Variants in AGFG1 observed in about 807,000 individuals in gnomAD.
AGFG1 encodes the protein ArfGAP with FG repeats 1.
In AGFG1, 10 loss-of-function variants were observed where a neutral mutation model predicts 60.6. The ratio of observed to expected loss-of-function variants is 0.16; its 90% CI spans 0.10 to 0.28. AGFG1 has a LOEUF of 0.28. Among genes scored for constraint, AGFG1 ranks in the 10% least tolerant of loss-of-function variants. AGFG1 has a pLI of 1.00. For missense variants in AGFG1, 537 were observed against 676.5 expected, an observed-to-expected ratio of 0.79 and a Z score of 2.29; for synonymous variants, 247 against 242.9, an observed-to-expected ratio of 1.02 and a Z score of -0.16.
chr2:227,526,589 C>T (rs1216682609), intron 5 of AGFG1, among the ~76,000 whole-genome samples: 1 of 141,266 alleles, frequency 7.1e-6, no homozygotes, highest in Non-Finnish European at 1.5e-5. Context: ...CTTGTTCACA[C>T]TGGTGTGCAG....
At chr2:227,492,399 C>A (rs6436698) in intron 2 of AGFG1, among the ~76,000 whole-genome samples, 128,446 of 152,016 alleles carry the variant, frequency 0.84, 54,380 homozygotes, top group African/African-American at 0.91. Context: ...GAAAAGTCTC[C>A]TTTTCTAGAA....
intron 11 of AGFG1, 116 bp from the exon 12 acceptor site, chr2:227,553,588 A>T: frequency 1.2e-6 from 1 of 816,834 alleles, no homozygotes; most frequent in Non-Finnish European, 2.0e-6. Flanking sequence ...CTTAACTTTA[A>T]CATTTTATTT....
chr2:227,512,930 A>C (rs1182677050), intron 2 of AGFG1, among the ~76,000 whole-genome samples: 2 of 152,230 alleles, frequency 1.3e-5, no homozygotes, highest in African/African-American at 4.8e-5. Context: ...TAGTGAAAAA[A>C]GATTCTCTAA....
intron 5 of AGFG1, among the ~76,000 whole-genome samples, chr2:227,525,473 T>TGTAC (rs1691966156): frequency 1.3e-5 from 2 of 152,210 alleles, no homozygotes; most frequent in Admixed American, 1.3e-4. Context: ...TACGTACATA[T>TGTAC]GTACATACAT....
At chr2:227,537,937 G>A (rs2106226425) in intron 10 of AGFG1, among the ~76,000 whole-genome samples, 1 of 152,242 alleles carries the variant, frequency 6.6e-6, no homozygotes, top group East Asian at 1.9e-4. Flanking sequence ...AGTTTGAGCT[G>A]TAACTATTTT....
chr2:227,526,184 A>G (rs187531012), intron 5 of AGFG1, among the ~76,000 whole-genome samples: 98 of 152,216 alleles, frequency 6.4e-4, no homozygotes, highest in Non-Finnish European at 1.1e-3. Context: ...GTTGGTTCCT[A>G]TAGATACAAC....
At chr2:227,550,144 A>G (rs759536752) in intron 10 of AGFG1, 6 of 413,064 alleles carry the variant, frequency 1.5e-5, no homozygotes, top group African/African-American at 6.4e-5. Context: ...TTGTGTGGCA[A>G]TTTGTCTACC....
At chr2:227,553,238 C>T (rs1354376325) in intron 11 of AGFG1, among the ~76,000 whole-genome samples, 1 of 152,110 alleles carries the variant, frequency 6.6e-6, no homozygotes, top group East Asian at 1.9e-4. Flanking sequence ...TGGCTCACGC[C>T]TATAATCCCA....
chr2:227,495,779 T>A (rs953383255), intron 2 of AGFG1, among the ~76,000 whole-genome samples: 2 of 151,994 alleles, frequency 1.3e-5, no homozygotes, highest in Non-Finnish European at 1.5e-5. Context: ...TAAGTTAACC[T>A]TCCTAATATG....
chr2:227,516,173 C>T (rs553532087), intron 2 of AGFG1, among the ~76,000 whole-genome samples: 2 of 152,172 alleles, frequency 1.3e-5, no homozygotes, highest in Non-Finnish European at 2.9e-5. Context: ...CATTGGTTTT[C>T]AAACTTTAGC....
At chr2:227,481,958 C>T (rs1010822818) in intron 1 of AGFG1, among the ~76,000 whole-genome samples, 3 of 151,278 alleles carry the variant, frequency 2.0e-5, no homozygotes, top group Non-Finnish European at 2.9e-5. Flanking sequence ...CTCTGCCTCC[C>T]GGGTTCACGC....
intron 1 of AGFG1, among the ~76,000 whole-genome samples, chr2:227,490,899 A>T (rs7568602): frequency 1 from 152,194 of 152,358 alleles, 76,017 homozygotes; most frequent in Middle Eastern, 1. Context: ...AAAAATTGTT[A>T]AATCATGCAT....
rs1692834624 is a variant in AGFG1, at chr2:227,551,971, G to T, written c.1391G>T (p.Gly464Val). The T allele has an allele frequency of 6.2e-7, 1 of 1,613,940 alleles. No homozygotes were observed. The highest frequency in any genetic ancestry group is 8.5e-7 in the Non-Finnish European group (1 of 1,179,954). Residue 464 changes from glycine (G) to valine (V), a missense_variant, in exon 11 of 13, where the codon GGC becomes GTC. Gly to Val is a moderately radical substitution (Grantham distance 109). Coordinates refer to ENST00000310078, the MANE Select transcript of AGFG1 (RefSeq NM_004504.5). Reference protein sequence around the residue: ...NARGATAATFGTASMSMPTGF... With the variant: ...NARGATAATFVTASMSMPTGF... ...TCTCTTCTGTCAGCGGCAACCTTTG[G>T]CACTGCATCCATGAGCATGCCCACA...
chr2:227,492,486 T>C (rs1320393413), intron 2 of AGFG1, among the ~76,000 whole-genome samples: 2 of 152,046 alleles, frequency 1.3e-5, no homozygotes, highest in East Asian at 1.9e-4. Context: ...AAGTTAAATA[T>C]TAAAATTTTA....
Position 227,557,205 on chromosome 2 carries a change from C to A in AGFG1, c.*2710C>A, listed in dbSNP as rs1172732286. 6.6e-6 allele frequency: 1 copy of A among 152,076 alleles called. No individual in the cohort carries two copies. Among genetic ancestry groups the A allele is most frequent in the Non-Finnish European group, 1.5e-5 (1 of 68,018 alleles). The allele number at this position is 152,076 out of a possible 1,614,324, so 9.4% of individuals were successfully genotyped here. A position where few individuals can be genotyped will look rare whatever the true frequency, so the allele number is the denominator to read the frequency against. On this transcript the variant is annotated 3_prime_UTR_variant, in exon 13 of 13. Coordinates refer to ENST00000310078, the MANE Select transcript of AGFG1 (RefSeq NM_004504.5). ...GCAGATATCCCTGTTCAGGAAAGAT[C>A]TTTTTTCAGGATGGCAAACTTTTGA...
chr2:227,517,838 GA>G (rs1164809882), intron 2 of AGFG1, among the ~76,000 whole-genome samples: 1 of 152,138 alleles, frequency 6.6e-6, no homozygotes, highest in Non-Finnish European at 1.5e-5. Flanking sequence ...TTTTGCTGAG[GA>G]ATAGTTGATA....
intron 2 of AGFG1, among the ~76,000 whole-genome samples, chr2:227,513,499 G>A (rs1488096805): frequency 6.6e-6 from 1 of 152,180 alleles, no homozygotes; most frequent in Non-Finnish European, 1.5e-5. Context: ...TTCCATTGAA[G>A]TTTCCAGTTC....
intron 8 of AGFG1, among the ~76,000 whole-genome samples, chr2:227,536,243 C>T (rs1263524257): frequency 7.4e-6 from 1 of 135,462 alleles, no homozygotes; most frequent in East Asian, 2.5e-4. Flanking sequence ...TGTTGTTCAA[C>T]TCACACCTAT....
Position 227,558,981 on chromosome 2 carries a change from A to G in AGFG1, c.*4486A>G, listed in dbSNP as rs754999504. ...TATCCAGTATTTGGAGAGCTTTTAT[A>G]TTGTTAATTCATTTAGCAAGCATTT... On this transcript the variant is annotated 3_prime_UTR_variant, in exon 13 of 13. Transcript: ENST00000310078. 1 of 152,296 alleles carries G rather than the reference A, an allele frequency of 6.6e-6. No individual in the cohort carries two copies. The highest frequency in any genetic ancestry group is 1.9e-4 in the East Asian group (1 of 5,194). The allele number at this position is 152,296 out of a possible 1,614,324, so 9.4% of individuals were successfully genotyped here.
Sources: allele counts gnomAD v4.1 joint callset (sites outside exome capture counted in the v4.1 genomes callset), GRCh38; gene constraint gnomAD v4.1.1; transcripts MANE v1.5; gene names NCBI Gene and HGNC (gene_info 2026-07-23, HGNC 2026-07-21).